Variants in KCTD16 observed in about 807,000 individuals in gnomAD.
KCTD16 encodes the protein potassium channel tetramerization domain containing 16.
In KCTD16, 13 loss-of-function variants were observed where a neutral mutation model predicts 33.2. The observed-to-expected ratio is 0.39, with a 90% CI of 0.25 to 0.62. KCTD16 has a LOEUF of 0.62. Ranked by LOEUF, KCTD16 falls within the 20% of genes least tolerant of loss-of-function variation. The probability of loss-of-function intolerance (pLI) is 0.50; values close to 1 mark genes in which losing one functional copy is unlikely to be tolerated. For synonymous variants in KCTD16, 197 were observed against 195.3 expected (o/e 1.01, Z -0.07); for missense variants, 441 against 525.1 (o/e 0.84, Z 1.57).
intron 3 of KCTD16, among the ~76,000 whole-genome samples, chr5:144,288,911 G>T (rs1200355702): frequency 6.6e-6 from 1 of 152,184 alleles, no homozygotes; most frequent in Non-Finnish European, 1.5e-5. Context: ...AGACACTTGG[G>T]AGGCTGAGGC....
chr5:144,372,101 A>G (rs1335767244), intron 3 of KCTD16, among the ~76,000 whole-genome samples: 2 of 152,128 alleles, frequency 1.3e-5, no homozygotes, highest in Admixed American at 6.6e-5. Context: ...CATTCATTCA[A>G]TTGCTGCAGT....
At chr5:144,385,934 A>G (rs897987347) in intron 3 of KCTD16, among the ~76,000 whole-genome samples, 10 of 152,134 alleles carry the variant, frequency 6.6e-5, no homozygotes, top group Non-Finnish European at 1.0e-4. Context: ...TTCACATGCC[A>G]TCTACTCTTC....
Position 144,407,452 on chromosome 5 carries a change from G to A in KCTD16, c.833-66208G>A, listed in dbSNP as rs186885639. On this transcript the variant is annotated intron_variant, in intron 3 of 3. Transcript: ENST00000512467. ...TATAGGTAAATTGCAATATAATGGGGGTTTAGCGTACATATTATTTTGTCC... is the reference window on the plus strand; with the variant it reads ...TATAGGTAAATTGCAATATAATGGGAGTTTAGCGTACATATTATTTTGTCC... 2.2e-3 allele frequency among the ~76,000 whole-genome samples: 341 copies of A among 151,762 alleles called. 2 individuals carry two copies. The highest frequency in any genetic ancestry group is 6.7e-3 in the African/African-American group (278 of 41,394).
At chr5:144,386,784 A>G (rs911986329) in intron 3 of KCTD16, among the ~76,000 whole-genome samples, 10 of 152,108 alleles carry the variant, frequency 6.6e-5, no homozygotes, top group Middle Eastern at 3.4e-3. Flanking sequence ...CAAACAAAAC[A>G]AAAAAAACAG....
chr5:144,431,799 C>A (rs78250787), intron 3 of KCTD16, among the ~76,000 whole-genome samples: 1 of 152,120 alleles, frequency 6.6e-6, no homozygotes, highest in Non-Finnish European at 1.5e-5. Flanking sequence ...TACATGCACT[C>A]AATAACTTGA....
chr5:144,397,561 C>T (rs1752603045), intron 3 of KCTD16, among the ~76,000 whole-genome samples: 1 of 152,174 alleles, frequency 6.6e-6, no homozygotes, highest in Admixed American at 6.5e-5. Flanking sequence ...AAAAGTGTTT[C>T]TATTTCTCCA....
rs1370925243 is a variant in KCTD16 at position 144,205,447 on chromosome 5, A to AGCCCCGG, written c.-326-936_-326-930dup. 38 of 398,672 alleles carry AGCCCCGG rather than the reference A, an allele frequency of 9.5e-5. 1 individual carries two copies. The East Asian group carries it at 9.6e-4, about 10-fold the overall frequency. The allele number at this position is 398,672 out of a possible 1,614,324, so 24.7% of individuals were successfully genotyped here. A position where few individuals can be genotyped will look rare whatever the true frequency, so the allele number is the denominator to read the frequency against. On this transcript the variant is annotated intron_variant, in intron 2 of 3. Transcript: ENST00000512467. Reference sequence around the variant, plus strand: ...CCAGCTCCGCCGCCAGAGAAGCCGGAGCCCCGGGCCCCCCGCCGGCATCTC... The same window carrying AGCCCCGG: ...CCAGCTCCGCCGCCAGAGAAGCCGGAGCCCCGGGCCCCGGGCCCCCCGCCGGCATCTC...
chr5:144,188,769 C>T (rs1419389447), intron 2 of KCTD16, among the ~76,000 whole-genome samples: 2 of 152,152 alleles, frequency 1.3e-5, no homozygotes, highest in Non-Finnish European at 2.9e-5. Context: ...GAGAGGTCAG[C>T]TTGAAAACAC....
intron 3 of KCTD16, among the ~76,000 whole-genome samples, chr5:144,357,011 A>C (rs1751585032): frequency 1.3e-5 from 2 of 152,124 alleles, no homozygotes; most frequent in Non-Finnish European, 2.9e-5. Context: ...CATTTCATGG[A>C]AACAGTAATA....
intron 3 of KCTD16, among the ~76,000 whole-genome samples, chr5:144,377,342 T>C (rs1411398472): frequency 6.6e-6 from 1 of 152,210 alleles, no homozygotes; most frequent in East Asian, 1.9e-4. Flanking sequence ...AACTGGTAAA[T>C]TTATATCCTG....
chr5:144,341,444 C>G (rs985503120), intron 3 of KCTD16, among the ~76,000 whole-genome samples: 11 of 152,114 alleles, frequency 7.2e-5, no homozygotes, highest in Admixed American at 1.3e-4. Flanking sequence ...TCAGCTTATC[C>G]CATGGAGCCC....
chr5:144,431,143 G>GA (rs1163995598), intron 3 of KCTD16, among the ~76,000 whole-genome samples: 4 of 151,874 alleles, frequency 2.6e-5, no homozygotes, highest in African/African-American at 9.7e-5. Flanking sequence ...TGAGAAATTA[G>GA]AAAAAAACTC....
rs558023306 is a variant in KCTD16, at chr5:144,217,246, T to C, written c.832+9700T>C. 2.0e-5 allele frequency among the ~76,000 whole-genome samples: 3 copies of C among 152,342 alleles called. No homozygotes were observed. In the South Asian group the frequency reaches 6.2e-4, roughly 32 times the overall value. Reference sequence around the variant, plus strand: ...TACATCAGTTAAAGACATTTTCCTATGGGCATATGCCTGCCAAATTACACA... The same window carrying C: ...TACATCAGTTAAAGACATTTTCCTACGGGCATATGCCTGCCAAATTACACA... On this transcript the variant is annotated intron_variant, in intron 3 of 3. Coordinates refer to ENST00000512467, the MANE Select transcript of KCTD16 (RefSeq NM_020768.4).
At chr5:144,421,676 C>T (rs1753213849) in intron 3 of KCTD16, among the ~76,000 whole-genome samples, 1 of 152,102 alleles carries the variant, frequency 6.6e-6, no homozygotes, top group Non-Finnish European at 1.5e-5. Context: ...TACAATTACT[C>T]CAGCAATACT....
chr5:144,483,322 C>T lies in KCTD16; in HGVS notation c.*9208C>T, dbSNP rs900944794. 6.6e-6 allele frequency: 1 copy of T among 151,782 alleles called. No individual in the cohort carries two copies. Among genetic ancestry groups the T allele is most frequent in the African/African-American group, 2.4e-5 (1 of 41,366 alleles). 9.4% of individuals were successfully genotyped at this position (151,782 alleles called of 1,614,324 possible). On this transcript the variant is annotated 3_prime_UTR_variant, in exon 4 of 4. Coordinates refer to ENST00000512467, the MANE Select transcript of KCTD16 (RefSeq NM_020768.4). ...TATCCTGGTTAATTTCACTTTATCA[C>T]TGATGAGGGTTCCTGTGTCCCTACA...
chr5:144,305,319 C>A (rs1751571755), intron 3 of KCTD16, among the ~76,000 whole-genome samples: 1 of 152,070 alleles, frequency 6.6e-6, no homozygotes, highest in Non-Finnish European at 1.5e-5. Context: ...CATCTAAAAC[C>A]CATATGGTGA....
chr5:144,261,167 C>CA (rs1299878040), intron 3 of KCTD16, among the ~76,000 whole-genome samples: 9,487 of 78,060 alleles, frequency 0.12, 686 homozygotes, highest in African/African-American at 0.28. Flanking sequence ...GGAACAACAA[C>CA]AAAAAAAAAA....
intron 2 of KCTD16, among the ~76,000 whole-genome samples, chr5:144,182,650 A>G (rs1752649434): frequency 6.6e-6 from 1 of 152,060 alleles, no homozygotes; most frequent in African/African-American, 2.4e-5. Flanking sequence ...CCACACACAC[A>G]CCAGCGATTG....
intron 3 of KCTD16, among the ~76,000 whole-genome samples, chr5:144,308,853 CT>C (rs5871875): frequency 0.34 from 50,513 of 148,936 alleles, 9,203 homozygotes; most frequent in African/African-American, 0.48. Context: ...CTCCCTCCCA[CT>C]TTTTTTTTTA....
Sources: allele counts gnomAD v4.1 joint callset (sites outside exome capture counted in the v4.1 genomes callset), GRCh38; gene constraint gnomAD v4.1.1; transcripts MANE v1.5; gene names NCBI Gene and HGNC (gene_info 2026-07-23, HGNC 2026-07-21).